The following GSG1L variants were observed in gnomAD, a reference collection of about 807,000 sequenced individuals.
The protein encoded by GSG1L is GSG1 like.
GSG1L carries 24 observed loss-of-function variants against 42.1 expected under a neutral mutation model. The ratio of observed to expected loss-of-function variants is 0.57; its 90% CI spans 0.41 to 0.80. GSG1L has a LOEUF of 0.80. Among genes scored for constraint, GSG1L ranks in the 30% least tolerant of loss-of-function variants. The pLI, the probability that GSG1L is intolerant of heterozygous loss-of-function variation, is 0.00. For synonymous variants in GSG1L, 215 were observed against 203.5 expected (o/e 1.06, Z -0.48); for missense variants, 445 against 472.2 (o/e 0.94, Z 0.53).
In GSG1L at chr16:27,789,222, T is replaced by C. The variant is rs929506221; in HGVS notation, c.*2148A>G. The C allele has an allele frequency of 1.3e-5, 2 of 151,954 alleles. No individual in the cohort carries two copies. The highest frequency in any genetic ancestry group is 2.9e-5 in the Non-Finnish European group (2 of 68,026). The allele number at this position is 151,954 out of a possible 1,614,324, so 9.4% of individuals were successfully genotyped here. On this transcript the variant is annotated 3_prime_UTR_variant, in exon 7 of 7. Transcript: ENST00000447459. ...GATAGGTGTAAGGATAATGGATGGA[T>C]AGATGATGAATAGATGAAGAAATGG...
chr16:27,877,209 A>G (rs1262380266), intron 3 of GSG1L, among the ~76,000 whole-genome samples: 2 of 152,108 alleles, frequency 1.3e-5, no homozygotes, highest in African/African-American at 4.8e-5. Context: ...GAGTGGAGAC[A>G]TGGGCAGCCG....
At chr16:28,018,413 T>G (rs907612503) in intron 1 of GSG1L, among the ~76,000 whole-genome samples, 2 of 152,164 alleles carry the variant, frequency 1.3e-5, no homozygotes, top group African/African-American at 4.8e-5. Flanking sequence ...CACTTCCAAA[T>G]GCAGGAAATA....
intron 1 of GSG1L, among the ~76,000 whole-genome samples, chr16:28,057,425 C>A (rs1054209998): frequency 1.3e-5 from 2 of 152,158 alleles, no homozygotes; most frequent in African/African-American, 4.8e-5. Context: ...GAGGGCAGAA[C>A]TGGTTGGTGG....
intron 2 of GSG1L, among the ~76,000 whole-genome samples, chr16:27,947,420 G>GAAAGAA (rs924714770): frequency 1.4e-5 from 2 of 143,904 alleles, no homozygotes; most frequent in Non-Finnish European, 3.0e-5. Flanking sequence ...AAGAAAGAAA[G>GAAAGAA]AAAGAAAGAG....
At chr16:27,816,221 C>T (rs1457431644) in intron 5 of GSG1L, among the ~76,000 whole-genome samples, 3 of 152,214 alleles carry the variant, frequency 2.0e-5, no homozygotes, top group Admixed American at 1.3e-4. Context: ...CTCCTTTCCT[C>T]CATTCCAGCA....
intron 5 of GSG1L, among the ~76,000 whole-genome samples, chr16:27,813,179 A>G (rs2140949652): frequency 6.6e-6 from 1 of 152,234 alleles, no homozygotes; most frequent in African/African-American, 2.4e-5. Context: ...TGTACAGACT[A>G]TTTTGTCACC....
chr16:27,808,842 G>A (rs1194123164), intron 5 of GSG1L, among the ~76,000 whole-genome samples: 1 of 152,156 alleles, frequency 6.6e-6, no homozygotes, highest in Admixed American at 6.6e-5. Context: ...AGCAGCCTCT[G>A]CGGGGTGGCA....
intron 1 of GSG1L, among the ~76,000 whole-genome samples, chr16:27,981,100 C>G (rs1381560625): frequency 6.6e-6 from 1 of 151,922 alleles, no homozygotes; most frequent in Non-Finnish European, 1.5e-5. Context: ...TTCATTCCTC[C>G]TAAGGAAAGT....
chr16:28,048,011 T>C (rs1040415741), intron 1 of GSG1L, among the ~76,000 whole-genome samples: 1 of 145,828 alleles, frequency 6.9e-6, no homozygotes, highest in South Asian at 2.1e-4. Flanking sequence ...TTGAGGCCAA[T>C]AGTTTGAGAC....
intron 5 of GSG1L, among the ~76,000 whole-genome samples, chr16:27,810,695 C>CTTT (rs1009194456): frequency 2.3e-4 from 33 of 146,116 alleles, no homozygotes; most frequent in African/African-American, 8.0e-4. Flanking sequence ...TTAAGTTTTT[C>CTTT]TTTTTTTTTT....
chr16:27,818,631 A>C (rs778773597), intron 5 of GSG1L, among the ~76,000 whole-genome samples: 16 of 152,190 alleles, frequency 1.1e-4, no homozygotes, highest in Non-Finnish European at 2.1e-4. Flanking sequence ...AGGACAAAGA[A>C]CACATTGATT....
chr16:27,925,820 G>C (rs1007993128), intron 2 of GSG1L, among the ~76,000 whole-genome samples: 3 of 152,202 alleles, frequency 2.0e-5, no homozygotes, highest in African/African-American at 7.2e-5. Flanking sequence ...GAAAACAGAG[G>C]ATCTACCAAG....
chr16:27,802,592 T>C (rs1008867803), intron 6 of GSG1L, among the ~76,000 whole-genome samples: 3 of 152,072 alleles, frequency 2.0e-5, no homozygotes, highest in African/African-American at 7.2e-5. Flanking sequence ...TCCACAGCTC[T>C]TTCCCCACCG....
intron 5 of GSG1L, among the ~76,000 whole-genome samples, chr16:27,822,321 G>A (rs528613102): frequency 1.6e-4 from 24 of 152,304 alleles, no homozygotes; most frequent in African/African-American, 5.8e-4. Context: ...CACAAGGGCT[G>A]AATGCATGAA....
chr16:27,911,266 G>GCTCT (rs71648556), intron 2 of GSG1L, among the ~76,000 whole-genome samples: 6,062 of 121,962 alleles, frequency 0.05, 180 homozygotes, highest in Non-Finnish European at 0.071. Flanking sequence ...CCTCTCTCTC[G>GCTCT]CTCTCTCTCT....
rs1596615716 is a variant in GSG1L, at chr16:27,922,373, A to G, written c.398-37735T>C. 3.9e-5 allele frequency among the ~76,000 whole-genome samples: 6 copies of G among 152,306 alleles called. No individual in the cohort carries two copies. The South Asian group carries it at 1.2e-3, about 32-fold the overall frequency. On this transcript the variant is annotated intron_variant, in intron 2 of 6. Transcript: ENST00000447459. Reference sequence around the variant, plus strand: ...ATTCCCCAGCATGGATGACCATATAATTATGCCTTTTCCTTCACATATCTA... The same window carrying G: ...ATTCCCCAGCATGGATGACCATATAGTTATGCCTTTTCCTTCACATATCTA...
intron 2 of GSG1L, among the ~76,000 whole-genome samples, chr16:27,897,020 T>A (rs565871030): frequency 4.7e-4 from 71 of 152,328 alleles, no homozygotes; most frequent in African/African-American, 1.7e-3. Context: ...TACACCATCA[T>A]GCCTGGCTAA....
At chr16:27,940,002 C>G (rs2084768845) in intron 2 of GSG1L, among the ~76,000 whole-genome samples, 1 of 151,950 alleles carries the variant, frequency 6.6e-6, no homozygotes, top group Non-Finnish European at 1.5e-5. Context: ...TTTAAATAGG[C>G]CAGAGAAAAA....
chr16:27,870,404 T>C (rs2083804043), intron 3 of GSG1L, among the ~76,000 whole-genome samples: 1 of 149,980 alleles, frequency 6.7e-6, no homozygotes, highest in South Asian at 2.1e-4. Flanking sequence ...TCTCCCTCCA[T>C]CTCTCTCTCC....
Sources: allele counts gnomAD v4.1 joint callset (sites outside exome capture counted in the v4.1 genomes callset), GRCh38; gene constraint gnomAD v4.1.1; transcripts MANE v1.5; gene names NCBI Gene and HGNC (gene_info 2026-07-23, HGNC 2026-07-21).